FOXP2: variants seen among roughly 807,000 people sequenced by gnomAD.
FOXP2 encodes forkhead box protein P2.
Under a neutral mutation model 115.8 loss-of-function variants are expected in FOXP2, and 12 were observed. That is an observed-to-expected ratio of 0.10 (90% confidence interval 0.07 to 0.17). The LOEUF is 0.17. Ranked by LOEUF, FOXP2 falls within the 10% of genes least tolerant of loss-of-function variation. The probability of loss-of-function intolerance (pLI) is 1.00; values close to 1 mark genes in which losing one functional copy is unlikely to be tolerated. For missense variants in FOXP2, 629 were observed against 843.5 expected (o/e 0.75, Z 3.15); for synonymous variants, 328 against 297.7 (o/e 1.10, Z -1.05).
chr7:114,131,478 G>A (rs1791875082), intron 1 of FOXP2, among the ~76,000 whole-genome samples: 1 of 151,782 alleles, frequency 6.6e-6, no homozygotes, highest in African/African-American at 2.4e-5. Context: ...CCGGGACAAT[G>A]TTAGTGATTT....
At chr7:114,266,537 A>G (rs1160060066) in intron 1 of FOXP2, among the ~76,000 whole-genome samples, 1 of 152,106 alleles carries the variant, frequency 6.6e-6, no homozygotes, top group East Asian at 1.9e-4. Flanking sequence ...GAAGTACCAC[A>G]CACTTATAAG....
At chr7:114,372,652 C>G (rs1202649586) in intron 2 of FOXP2, among the ~76,000 whole-genome samples, 2 of 152,070 alleles carry the variant, frequency 1.3e-5, no homozygotes, top group East Asian at 3.9e-4. Flanking sequence ...AACTGATGAG[C>G]CAGGGATTTA....
At chr7:114,273,909 T>A (rs1032144048) in intron 1 of FOXP2, among the ~76,000 whole-genome samples, 2 of 152,126 alleles carry the variant, frequency 1.3e-5, no homozygotes, top group Non-Finnish European at 2.9e-5. Context: ...TCTGTCTTAG[T>A]TGGTGCATTT....
intron 2 of FOXP2, among the ~76,000 whole-genome samples, chr7:114,328,047 AGTAGCTGAG>A (rs1418320400): frequency 6.6e-6 from 1 of 150,726 alleles, no homozygotes; most frequent in Non-Finnish European, 1.5e-5. Context: ...CAGCCTCCCT[AGTAGCTGAG>A]CCTAAAGGTG....
At chr7:114,400,036 T>C (rs1792847720) in intron 2 of FOXP2, among the ~76,000 whole-genome samples, 1 of 151,878 alleles carries the variant, frequency 6.6e-6, no homozygotes, top group Non-Finnish European at 1.5e-5. Context: ...TCTGTATTTT[T>C]AGTAGAGACG....
intron 3 of FOXP2, among the ~76,000 whole-genome samples, chr7:114,579,597 C>CT (rs1801743638): frequency 6.6e-6 from 1 of 152,142 alleles, no homozygotes; most frequent in South Asian, 2.1e-4. Flanking sequence ...CTTTTCTTCC[C>CT]TGTGTATCAA....
intron 16 of FOXP2, among the ~76,000 whole-genome samples, chr7:114,685,047 C>T (rs1808290429): frequency 6.6e-6 from 1 of 151,450 alleles, no homozygotes; most frequent in Non-Finnish European, 1.5e-5. Context: ...CACTGATAAA[C>T]ATCTCTTATG....
chr7:114,262,497 A>ATAT (rs1795781063), intron 1 of FOXP2, among the ~76,000 whole-genome samples: 1 of 152,158 alleles, frequency 6.6e-6, no homozygotes, highest in Non-Finnish European at 1.5e-5. Flanking sequence ...CCAGGTAACA[A>ATAT]ACCTGCACAT....
chr7:114,510,194 C>T (rs1798004759), intron 2 of FOXP2, among the ~76,000 whole-genome samples: 1 of 152,100 alleles, frequency 6.6e-6, no homozygotes, highest in Non-Finnish European at 1.5e-5. Flanking sequence ...GAAGAGACCT[C>T]CTGAATGAGG....
chr7:114,521,499 C>T (rs1445345504), intron 2 of FOXP2, among the ~76,000 whole-genome samples: 4 of 141,428 alleles, frequency 2.8e-5, no homozygotes, highest in Non-Finnish European at 6.0e-5. Context: ...TACCACTGTA[C>T]TCCAGCCTGG....
intron 1 of FOXP2, among the ~76,000 whole-genome samples, chr7:114,255,428 G>T (rs1795583438): frequency 6.6e-6 from 1 of 152,206 alleles, no homozygotes; most frequent in Non-Finnish European, 1.5e-5. Flanking sequence ...TTCAGCTGCA[G>T]TGGGCTCCAC....
intron 2 of FOXP2, among the ~76,000 whole-genome samples, chr7:114,495,822 A>G: frequency 6.6e-6 from 1 of 151,918 alleles, no homozygotes; most frequent in Non-Finnish European, 1.5e-5. Context: ...TTTATTTTCT[A>G]TATAGTGTTT....
chr7:114,543,770 C>G (rs554464759), intron 3 of FOXP2, among the ~76,000 whole-genome samples: 8 of 152,176 alleles, frequency 5.3e-5, no homozygotes, highest in Non-Finnish European at 1.2e-4. Context: ...AATAACCACA[C>G]AAATCCATAA....
At chr7:114,608,442 C>T (rs750344212) in intron 3 of FOXP2, among the ~76,000 whole-genome samples, 1 of 152,110 alleles carries the variant, frequency 6.6e-6, no homozygotes, top group Non-Finnish European at 1.5e-5. Context: ...TTCTTCAAGG[C>T]CAGCAGAAGA....
intron 2 of FOXP2, among the ~76,000 whole-genome samples, chr7:114,328,239 T>TC (rs200231084): frequency 0.043 from 6,133 of 142,942 alleles, 427 homozygotes; most frequent in African/African-American, 0.15. Context: ...TTTTCTTTTT[T>TC]TTTTTTTTTT....
chr7:114,371,873 A>C (rs986838487), intron 2 of FOXP2, among the ~76,000 whole-genome samples: 1 of 152,234 alleles, frequency 6.6e-6, no homozygotes, highest in African/African-American at 2.4e-5. Context: ...GTTAGGCAAT[A>C]CTGTCAAAAG....
At chr7:114,421,553 A>T (rs917480394) in intron 1 of FOXP2, among the ~76,000 whole-genome samples, 4 of 151,552 alleles carry the variant, frequency 2.6e-5, no homozygotes, top group Non-Finnish European at 3.0e-5. Flanking sequence ...CATTTTGTTT[A>T]AATAAGTAAA....
rs190906998 is a variant in FOXP2, at chr7:114,100,161, T to G, written c.-247+12323T>G. On this transcript the variant is annotated intron_variant, in intron 1 of 19. Coordinates refer to the FOXP2 transcript ENST00000635638. ...ACAGTGAATTGGAATCAACCATTAT[T>G]TTTAGCTCTGTGCTTTGTATTTACA... Among the ~76,000 whole-genome samples, 755 of 152,326 alleles carry G rather than the reference T, an allele frequency of 5.0e-3. 8 individuals are homozygous for G. Among genetic ancestry groups the G allele is most frequent in the Non-Finnish European group, 7.9e-3 (540 of 68,008 alleles).
intron 3 of FOXP2, among the ~76,000 whole-genome samples, chr7:114,623,401 G>C (rs1037876401): frequency 6.6e-6 from 1 of 151,836 alleles, no homozygotes. Flanking sequence ...CCATGCAAAT[G>C]TTTCAGCTAA....
Sources: allele counts gnomAD v4.1 joint callset (sites outside exome capture counted in the v4.1 genomes callset), GRCh38; gene constraint gnomAD v4.1.1; transcripts MANE v1.5; gene names NCBI Gene and HGNC (gene_info 2026-07-23, HGNC 2026-07-21).